RUSC2: variants seen among roughly 807,000 people sequenced by gnomAD.
RUSC2 encodes RUN and SH3 domain containing 2.
Under a neutral mutation model 122.2 loss-of-function variants are expected in RUSC2, and 34 were observed. The ratio of observed to expected loss-of-function variants is 0.28; its 90% CI spans 0.21 to 0.37. The LOEUF (loss-of-function observed/expected upper bound fraction) is 0.37. Among genes scored for constraint, RUSC2 ranks in the 10% least tolerant of loss-of-function variants. The pLI, the probability that RUSC2 is intolerant of heterozygous loss-of-function variation, is 1.00. For synonymous variants in RUSC2, 784 were observed against 790.0 expected, an observed-to-expected ratio of 0.99 and a Z score of 0.13; for missense variants, 1,747 against 1,952.4, an observed-to-expected ratio of 0.89 and a Z score of 1.98.
chr9:35,503,260 C>A (rs1232853341), intron 1 of RUSC2, among the ~76,000 whole-genome samples: 1 of 152,136 alleles, frequency 6.6e-6, no homozygotes, highest in Non-Finnish European at 1.5e-5. Context: ...CTCACCACCA[C>A]CCCCGCCGTT....
intron 1 of RUSC2, among the ~76,000 whole-genome samples, chr9:35,503,383 C>T (rs1820853196): frequency 6.6e-6 from 1 of 152,188 alleles, no homozygotes. Flanking sequence ...TCCCGAGTTA[C>T]TTCACTTAGA....
intron 1 of RUSC2, among the ~76,000 whole-genome samples, chr9:35,520,035 G>A (rs1213704645): frequency 1.3e-5 from 2 of 152,160 alleles, no homozygotes; most frequent in African/African-American, 2.4e-5. Context: ...TTTAAATGTG[G>A]GGGCTTAAGT....
At chr9:35,556,496 C>T in intron 5 of RUSC2, 48 bp downstream of exon 5, 2 of 1,594,392 alleles carry the variant, frequency 1.3e-6, no homozygotes, top group South Asian at 1.1e-5. Flanking sequence ...GTCACTACCT[C>T]CTCACACTTG....
chr9:35,543,207 C>T (rs1387210201), intron 1 of RUSC2, among the ~76,000 whole-genome samples: 2 of 152,174 alleles, frequency 1.3e-5, no homozygotes, highest in Non-Finnish European at 2.9e-5. Flanking sequence ...AGGTGGATAA[C>T]TTGAGCCCAA....
chr9:35,555,407 C>T lies in RUSC2; in HGVS notation c.2362C>T (p.Pro788Ser), dbSNP rs745769979. 17 of 1,614,096 alleles carry T rather than the reference C, an allele frequency of 1.1e-5. No individual in the cohort carries two copies. The South Asian group carries it at 1.8e-4, about 17-fold the overall frequency. Residue 788 changes from proline to serine, a missense_variant, in exon 3 of 12, where the codon CCC becomes TCC. Coordinates refer to ENST00000361226, the MANE Select transcript of RUSC2 (RefSeq NM_014806.5). The surrounding 1 kb of genome is among the most constrained non-coding windows in gnomAD (Gnocchi z 4.6). ...CTACTCCCCCATCCGGAGTGTTGGCCCCTTTGGGCCCAGCACTGACTCTTC... is the reference window on the plus strand; with the variant it reads ...CTACTCCCCCATCCGGAGTGTTGGCTCCTTTGGGCCCAGCACTGACTCTTC... ...GSYSPIRSVG[P>S]FGPSTDSSAS...
At chr9:35,554,322 G>A (rs1418479635) in intron 2 of RUSC2, among the ~76,000 whole-genome samples, 1 of 152,214 alleles carries the variant, frequency 6.6e-6, no homozygotes, top group Non-Finnish European at 1.5e-5. Flanking sequence ...CCGTTCAGGG[G>A]GAGCAAATGT....
rs771051127 is a variant in RUSC2, at chr9:35,561,840, GTATT to G, written c.*475_*478del. On this transcript the variant is annotated 3_prime_UTR_variant, in exon 12 of 12. Coordinates refer to ENST00000361226, the MANE Select transcript of RUSC2 (RefSeq NM_014806.5). ...AGGAGGAGCCCAGGCGTCTGTTTAT[GTATT>G]TATTTATTTATTTATTATACCTATT... 171 of 622,230 alleles carry G rather than the reference GTATT, an allele frequency of 2.7e-4. No homozygotes were observed. The highest frequency in any genetic ancestry group is 1.3e-3 in the African/African-American group (71 of 54,470). 38.5% of individuals were successfully genotyped at this position (622,230 alleles called of 1,614,324 possible).
At chr9:35,526,746 C>G (rs1821331991) in intron 1 of RUSC2, among the ~76,000 whole-genome samples, 1 of 152,062 alleles carries the variant, frequency 6.6e-6, no homozygotes, top group Non-Finnish European at 1.5e-5. Context: ...GCCACTGCAG[C>G]CTGGGCAAAA....
chr9:35,502,046 C>T (rs976363031), intron 1 of RUSC2, among the ~76,000 whole-genome samples: 1 of 151,994 alleles, frequency 6.6e-6, no homozygotes, highest in African/African-American at 2.4e-5. Flanking sequence ...TCTCTTTGTC[C>T]AATACTTCTA....
chr9:35,547,191 T>G lies in RUSC2; in HGVS notation c.670T>G (p.Ser224Ala). Residue 224 changes from serine (S) to alanine (A), a missense_variant, in exon 2 of 12, where the codon TCC becomes GCC. Ser to Ala is a moderately conservative substitution (Grantham distance 99). Transcript: ENST00000361226. This position sits in a 1 kb window ranked among gnomAD's most constrained non-coding sequence, Gnocchi z 4.6. ...GGGASDTSGFSFDQEWKLSSD... is the reference protein window; with the variant it reads ...GGGASDTSGFAFDQEWKLSSD... ...TGGAGCCAGCGATACCTCTGGCTTT[T>G]CCTTTGACCAGGAATGGAAGCTCAG... The G allele has an allele frequency of 6.2e-7, 1 of 1,614,144 alleles. No individual in the cohort carries two copies. The highest frequency in any genetic ancestry group is 8.5e-7 in the Non-Finnish European group (1 of 1,180,030).
In RUSC2 at chr9:35,492,750, A is replaced by G. The variant is rs142191581; in HGVS notation, c.-93+2578A>G. ...GCATTAAATATATTCACATTATTGT[A>G]CAACCATTACTGATAACAATCTCCA... is the stretch of plus-strand genomic sequence containing the variant. On this transcript the variant is annotated intron_variant, in intron 1 of 11. Transcript: ENST00000361226. 4.0e-4 allele frequency among the ~76,000 whole-genome samples: 61 copies of G among 152,274 alleles called. 1 individual carries two copies. In the East Asian group the frequency reaches 0.011, roughly 28 times the overall value.
chr9:35,551,398 A>G (rs1790771414), intron 2 of RUSC2, among the ~76,000 whole-genome samples: 1 of 152,080 alleles, frequency 6.6e-6, no homozygotes, highest in African/African-American at 2.4e-5. Context: ...CATGTTCCTA[A>G]CATACACTGA....
At chr9:35,495,070 AT>A (rs1439244661) in intron 1 of RUSC2, among the ~76,000 whole-genome samples, 18 of 66,994 alleles carry the variant, frequency 2.7e-4, no homozygotes, top group Admixed American at 9.4e-4. Flanking sequence ...TATAGTATAT[AT>A]TATATATAGT....
At position 35,541,119 on chromosome 9, in the gene RUSC2, A is replaced by G. The variant is rs375007515; in HGVS notation, c.-92-5311A>G. ...TAGAAAGCTTTTCCTGATTTTGGAGAGCATGACCTCATAACTTTATACTGG... is the reference window on the plus strand; with the variant it reads ...TAGAAAGCTTTTCCTGATTTTGGAGGGCATGACCTCATAACTTTATACTGG... On this transcript the variant is annotated intron_variant, in intron 1 of 11. Transcript: ENST00000361226. 1.5e-3 allele frequency among the ~76,000 whole-genome samples: 232 copies of G among 152,226 alleles called. 3 individuals carry two copies. The highest frequency in any genetic ancestry group is 5.6e-3 in the South Asian group (27 of 4,820).
intron 1 of RUSC2, among the ~76,000 whole-genome samples, chr9:35,523,729 G>A (rs1587847613): frequency 6.6e-6 from 1 of 151,692 alleles, no homozygotes; most frequent in Non-Finnish European, 1.5e-5. Context: ...GTGGAAGGAT[G>A]GCTTGAGTCC....
At chr9:35,507,576 C>T in intron 1 of RUSC2, 1 of 220,344 alleles carries the variant, frequency 4.5e-6, no homozygotes, top group South Asian at 7.7e-5. Flanking sequence ...GGTGAATGTT[C>T]CCCAAACCCA....
At chr9:35,540,095 T>C (rs1034445957) in intron 1 of RUSC2, among the ~76,000 whole-genome samples, 2 of 152,126 alleles carry the variant, frequency 1.3e-5, no homozygotes, top group Non-Finnish European at 2.9e-5. Context: ...GTTCCCTAAA[T>C]TCCCATTTCC....
intron 1 of RUSC2, among the ~76,000 whole-genome samples, chr9:35,509,937 G>C (rs1820983378): frequency 6.6e-6 from 1 of 152,156 alleles, no homozygotes. Flanking sequence ...TAGTCCTGAA[G>C]AGCAGAGTTC....
Position 35,560,364 on chromosome 9 carries a change from G to A in RUSC2, c.3724G>A (p.Glu1242Lys). 1 of 1,613,194 alleles carries A rather than the reference G, an allele frequency of 6.2e-7. No homozygotes were observed. Among genetic ancestry groups the A allele is most frequent in the Non-Finnish European group, 8.5e-7 (1 of 1,179,488 alleles). Residue 1242 changes from glutamate to lysine, a missense_variant, in exon 10 of 12, where the codon GAG (glutamate) becomes AAG (lysine). By Grantham distance (56) the Glu-to-Lys change is moderately conservative. Coordinates refer to ENST00000361226, the MANE Select transcript of RUSC2 (RefSeq NM_014806.5). ...TGCCTCAGAAGGTGGAGAAGAGGAA[G>A]AGGAAGAAGAGGAGACAGAAGAGGT... ...VGASEGGEEE[E>K]EEEETEEVAE...
Sources: allele counts gnomAD v4.1 joint callset (sites outside exome capture counted in the v4.1 genomes callset), GRCh38; gene constraint gnomAD v4.1.1; non-coding constraint Gnocchi (gnomAD v3.1); transcripts MANE v1.5; gene names NCBI Gene and HGNC (gene_info 2026-07-23, HGNC 2026-07-21).